Variants in GRIK5 observed in about 807,000 individuals in gnomAD.
GRIK5 encodes the protein glutamate ionotropic receptor kainate type subunit 5.
In GRIK5, 43 loss-of-function variants were observed where a neutral mutation model predicts 97.4. The observed-to-expected ratio is 0.44, with a 90% CI of 0.35 to 0.57. The LOEUF (loss-of-function observed/expected upper bound fraction) is 0.57. GRIK5 is among the 20% of genes least tolerant of loss of function. The pLI is 0.01. For missense variants in GRIK5, 1,015 were observed against 1,382.0 expected (o/e 0.73, Z 4.21); for synonymous variants, 580 against 583.5 (o/e 0.99, Z 0.09).
rs866581202 is a variant in GRIK5, at chr19:42,059,706, A to G, written c.509-179T>C. Among the ~76,000 whole-genome samples the G allele has an allele frequency of 1.2e-4, 18 of 152,184 alleles. 1 individual carries two copies. The Middle Eastern group carries it at 0.017, about 144-fold the overall frequency. On this transcript the variant is annotated intron_variant, in intron 5 of 19. Transcript: ENST00000593562. ...GGACCCAAAGCCTGGGCCCTCCCCA[A>G]TTAAAATCCCAACCTAGACCTCTTC...
At chr19:42,053,732 T>A in intron 10 of GRIK5, 23 bp from the exon 11 acceptor site, 1 of 1,568,106 alleles carries the variant, frequency 6.4e-7, no homozygotes, top group Non-Finnish European at 8.8e-7. Context: ...GAGGGTGCTG[T>A]CAGCTCAGGC....
At chr19:42,043,019 G>A (rs2075998438) in intron 11 of GRIK5, 4 of 538,466 alleles carry the variant, frequency 7.4e-6, no homozygotes, top group East Asian at 3.1e-5. Flanking sequence ...GCTCATTGGT[G>A]CCAAGCTCAA....
chr19:42,030,767 G>A (rs921386197), intron 12 of GRIK5, among the ~76,000 whole-genome samples: 46 of 152,062 alleles, frequency 3.0e-4, no homozygotes, highest in Non-Finnish European at 1.0e-4. Flanking sequence ...TCTGGCAACC[G>A]GCGCTGTTTT....
In GRIK5 at chr19:42,056,742, G is replaced by T; in HGVS notation, c.823C>A (p.Pro275Thr). Residue 275 changes from proline to threonine, a missense_variant, in exon 8 of 20, where the codon CCC becomes ACC. By Grantham distance (38) the Pro-to-Thr change is conservative. Coordinates refer to ENST00000593562, the MANE Select transcript of GRIK5 (RefSeq NM_002088.5). ...LGFSMFNTSH[P>T]FYPEFVRSLN... ...CTGCGGACAAACTCAGGGTAGAAGG[G>T]GTGGGACGTGTTGAACATGGAGAAG... is the stretch of plus-strand genomic sequence containing the variant. 3 of 1,613,878 alleles carry T rather than the reference G, an allele frequency of 1.9e-6. No individual in the cohort carries two copies. Among genetic ancestry groups the T allele is most frequent in the Non-Finnish European group, 2.5e-6 (3 of 1,179,772 alleles).
At chr19:42,053,996 A>G (rs555581999) in intron 9 of GRIK5, 67 bp from the exon 10 acceptor site, 22 of 1,022,172 alleles carry the variant, frequency 2.2e-5, no homozygotes, top group African/African-American at 1.9e-4. Flanking sequence ...GGAAGGCCCA[A>G]CGTGGTGAGA....
In GRIK5 at chr19:42,021,059, T is replaced by C. The variant is rs1284379579; in HGVS notation, c.1871+242A>G. ...CTCACAACCCTGAGACATGGGCATC[T>C]TTCTCCCCATCTTTCAGGGAGGTCA... On this transcript the variant is annotated intron_variant, in intron 15 of 19. Coordinates refer to ENST00000593562, the MANE Select transcript of GRIK5 (RefSeq NM_002088.5). This position sits in a 1 kb window ranked among gnomAD's most constrained non-coding sequence, Gnocchi z 4.2. 1.3e-5 allele frequency among the ~76,000 whole-genome samples: 2 copies of C among 152,142 alleles called. No homozygotes were observed. The highest frequency in any genetic ancestry group is 4.8e-5 in the African/African-American group (2 of 41,426).
chr19:42,028,457 T>G (rs1212343459), intron 12 of GRIK5, among the ~76,000 whole-genome samples: 1 of 152,222 alleles, frequency 6.6e-6, no homozygotes, highest in East Asian at 1.9e-4. Flanking sequence ...GAAGAGGGAT[T>G]GCTCCTTCCT....
chr19:42,022,144 C>T lies in GRIK5; in HGVS notation c.1588-88G>A. The T allele has an allele frequency of 7.2e-7, 1 of 1,395,706 alleles. No individual in the cohort carries two copies. Among genetic ancestry groups the T allele is most frequent in the Non-Finnish European group, 1.0e-6 (1 of 993,262 alleles). 86.5% of individuals were successfully genotyped at this position (1,395,706 alleles called of 1,614,324 possible). ...CCCTACCAGGGACCTGGGAGCCTGA[C>T]CGGCCCATCTGAGGTCCTGGGGCTG... is the stretch of plus-strand genomic sequence containing the variant. On this transcript the variant is annotated intron_variant, in intron 13 of 19. Coordinates refer to ENST00000593562, the MANE Select transcript of GRIK5 (RefSeq NM_002088.5). The surrounding 1 kb of genome is among the most constrained non-coding windows in gnomAD (Gnocchi z 4.2).
At chr19:42,033,764 G>A (rs914030292) in intron 12 of GRIK5, among the ~76,000 whole-genome samples, 13 of 152,270 alleles carry the variant, frequency 8.5e-5, no homozygotes, top group Admixed American at 5.9e-4. Flanking sequence ...CTTTTGGGGG[G>A]CCAAGGGAGA....
In GRIK5 at chr19:41,999,339, G is replaced by T. The variant is rs1555870433; in HGVS notation, c.2515-40C>A. On this transcript the variant is annotated intron_variant, in intron 19 of 19. Transcript: ENST00000593562. This position sits in a 1 kb window ranked among gnomAD's most constrained non-coding sequence, Gnocchi z 5.0. ...GGCGGTCACCGTCCCGGCGCAGTCC[G>T]CCTCCCGCCTCCCCCAGCCCCTCTC... The T allele has an allele frequency of 1.4e-6, 2 of 1,422,226 alleles. No homozygotes were observed. The highest frequency in any genetic ancestry group is 1.9e-6 in the Non-Finnish European group (2 of 1,072,098). The allele number at this position is 1,422,226 out of a possible 1,614,324, so 88.1% of individuals were successfully genotyped here.
intron 11 of GRIK5, among the ~76,000 whole-genome samples, chr19:42,046,122 G>A (rs1394575035): frequency 2.0e-5 from 3 of 152,184 alleles, no homozygotes; most frequent in South Asian, 2.1e-4. Flanking sequence ...CCACCCAGCT[G>A]AAGCAGGGCA....
chr19:42,045,732 T>C (rs1015992917), intron 11 of GRIK5, among the ~76,000 whole-genome samples: 1 of 152,102 alleles, frequency 6.6e-6, no homozygotes. Flanking sequence ...ATACTAATAA[T>C]AGCGGCAGCA....
Position 42,065,852 on chromosome 19 carries a change from T to C in GRIK5, c.-50-32A>G. The stretch of plus-strand genomic sequence containing the variant: ...GGAGACCCCCCAGACCAAGGGGAGA[T>C]TACTATGTGGTGGGATGGAACCCCT... On this transcript the variant is annotated intron_variant, in intron 1 of 19. Coordinates refer to ENST00000593562, the MANE Select transcript of GRIK5 (RefSeq NM_002088.5). This position sits in a 1 kb window ranked among gnomAD's most constrained non-coding sequence, Gnocchi z 5.8. The C allele has an allele frequency of 8.6e-7, 1 of 1,168,148 alleles. No individual in the cohort carries two copies. Among genetic ancestry groups the C allele is most frequent in the Non-Finnish European group, 1.2e-6 (1 of 812,584 alleles). The allele number at this position is 1,168,148 out of a possible 1,614,324, so 72.4% of individuals were successfully genotyped here.
chr19:42,039,645 A>G (rs183946136), intron 12 of GRIK5, among the ~76,000 whole-genome samples: 1 of 152,320 alleles, frequency 6.6e-6, no homozygotes, highest in African/African-American at 2.4e-5. Flanking sequence ...CATTGGCTGA[A>G]TGGAAAATGG....
intron 12 of GRIK5, among the ~76,000 whole-genome samples, chr19:42,024,775 C>T (rs977126917): frequency 2.0e-5 from 3 of 152,182 alleles, no homozygotes; most frequent in Non-Finnish European, 2.9e-5. Context: ...TTTCTGGCTA[C>T]GCCTGAGGCG....
chr19:42,002,549 G>T lies in GRIK5; in HGVS notation c.2514+783C>A, dbSNP rs2075435829. On this transcript the variant is annotated intron_variant, in intron 19 of 19. Coordinates refer to ENST00000593562, the MANE Select transcript of GRIK5 (RefSeq NM_002088.5). This position sits in a 1 kb window ranked among gnomAD's most constrained non-coding sequence, Gnocchi z 5.2. ...GCAGCTGGATGCAGAGCTGGGGTCT[G>T]GGGAGTAGATGTAAGGTCAGCCGCT... is the stretch of plus-strand genomic sequence containing the variant. The T allele has an allele frequency of 1.5e-6, 1 of 684,064 alleles. No homozygotes were observed. The highest frequency in any genetic ancestry group is 2.7e-6 in the Non-Finnish European group (1 of 367,568). The allele number at this position is 684,064 out of a possible 1,614,324, so 42.4% of individuals were successfully genotyped here. A position where few individuals can be genotyped will look rare whatever the true frequency, so the allele number is the denominator to read the frequency against.
chr19:42,011,046 A>G (rs1175357377), intron 15 of GRIK5, among the ~76,000 whole-genome samples: 2 of 151,586 alleles, frequency 1.3e-5, no homozygotes, highest in South Asian at 2.1e-4. Context: ...GGTTCAAGGA[A>G]TCCTCCAGCC....
intron 12 of GRIK5, among the ~76,000 whole-genome samples, chr19:42,027,022 A>C (rs141060668): frequency 6.6e-6 from 1 of 151,984 alleles, no homozygotes; most frequent in Admixed American, 6.6e-5. Context: ...TCCAACCCCC[A>C]CAGCCTCATC....
chr19:42,036,744 C>A (rs2075910684), intron 12 of GRIK5, among the ~76,000 whole-genome samples: 1 of 152,226 alleles, frequency 6.6e-6, no homozygotes, highest in South Asian at 2.1e-4. Flanking sequence ...CCATTCAACA[C>A]TAATTTACTA....
Sources: allele counts gnomAD v4.1 joint callset (sites outside exome capture counted in the v4.1 genomes callset), GRCh38; gene constraint gnomAD v4.1.1; non-coding constraint Gnocchi (gnomAD v3.1); transcripts MANE v1.5; gene names NCBI Gene and HGNC (gene_info 2026-07-23, HGNC 2026-07-21).